Variants in MAN2A1 observed in about 807,000 individuals in gnomAD.
The protein encoded by MAN2A1 is mannosidase alpha class 2A member 1.
In MAN2A1, 76 loss-of-function variants were observed where a neutral mutation model predicts 142.6. The observed-to-expected ratio is 0.53, with a 90% CI of 0.44 to 0.65. MAN2A1 has a LOEUF of 0.65. Ranked by LOEUF, MAN2A1 falls within the 30% of genes least tolerant of loss-of-function variation. The pLI, the probability that MAN2A1 is intolerant of heterozygous loss-of-function variation, is 0.00. For missense variants in MAN2A1, 1,311 were observed against 1,365.1 expected (o/e 0.96, Z 0.62); for synonymous variants, 559 against 473.2 (o/e 1.18, Z -2.35).
intron 12 of MAN2A1, 72 bp downstream of exon 12, chr5:109,789,599 T>A: frequency 9.9e-7 from 1 of 1,008,644 alleles, no homozygotes; most frequent in Non-Finnish European, 1.4e-6. Context: ...GGTTCTGGTT[T>A]TTAGTTAGCG....
At chr5:109,772,606 A>AATTCTCCCACCTCAGCCTCC (rs1753179333) in intron 7 of MAN2A1, among the ~76,000 whole-genome samples, 1 of 152,092 alleles carries the variant, frequency 6.6e-6, no homozygotes, top group Non-Finnish European at 1.5e-5. Context: ...ACCTGGGCTC[A>AATTCTCCCACCTCAGCCTCC]TGCAATTCTC....
chr5:109,732,321 A>C (rs1281977729), intron 4 of MAN2A1, among the ~76,000 whole-genome samples: 1 of 151,424 alleles, frequency 6.6e-6, no homozygotes, highest in Non-Finnish European at 1.5e-5. Context: ...TTGCCTGTTC[A>C]CTCTGATGGT....
chr5:109,859,370 C>G (rs1240091936), intron 20 of MAN2A1, among the ~76,000 whole-genome samples: 1 of 152,154 alleles, frequency 6.6e-6, no homozygotes, highest in African/African-American at 2.4e-5. Context: ...TGCTTTATAT[C>G]AATTTTTGGA....
chr5:109,812,323 G>A (rs1381358566), intron 12 of MAN2A1, among the ~76,000 whole-genome samples: 1 of 151,908 alleles, frequency 6.6e-6, no homozygotes, highest in Non-Finnish European at 1.5e-5. Flanking sequence ...ACACAATTGT[G>A]ATTTTTGAAG....
chr5:109,700,894 A>G (rs1481856641), intron 1 of MAN2A1, among the ~76,000 whole-genome samples: 1 of 152,230 alleles, frequency 6.6e-6, no homozygotes, highest in Non-Finnish European at 1.5e-5. Flanking sequence ...ATTGTGGTAG[A>G]CATATGTTAC....
rs575495189 is a variant in MAN2A1, at chr5:109,717,779, T to A, written c.535+1515T>A. Among the ~76,000 whole-genome samples, 51 of 152,324 alleles carry A rather than the reference T, an allele frequency of 3.3e-4. No homozygotes were observed. The South Asian group carries it at 9.9e-3, about 30-fold the overall frequency. On this transcript the variant is annotated intron_variant, in intron 3 of 21. Coordinates refer to ENST00000261483, the MANE Select transcript of MAN2A1 (RefSeq NM_002372.4). ...TTGTGTATCTGTAAAATGGAGATCA[T>A]ACAGGTGGAGTAACATCTTAAGCCA... is the stretch of plus-strand genomic sequence containing the variant.
intron 8 of MAN2A1, among the ~76,000 whole-genome samples, chr5:109,776,069 CT>C (rs35427592): frequency 0.68 from 91,264 of 134,878 alleles, 29,809 homozygotes; most frequent in East Asian, 0.86. Flanking sequence ...CTTTTAAAGT[CT>C]TTTTTTTTTT....
At chr5:109,748,678 A>G (rs773712028) in intron 4 of MAN2A1, among the ~76,000 whole-genome samples, 4 of 152,152 alleles carry the variant, frequency 2.6e-5, no homozygotes, top group Non-Finnish European at 4.4e-5. Context: ...GTAAGAACCA[A>G]TGAGGCAAAT....
At chr5:109,845,711 T>A (rs1185366450) in intron 17 of MAN2A1, among the ~76,000 whole-genome samples, 154 bp from the exon 18 acceptor site, 2 of 152,210 alleles carry the variant, frequency 1.3e-5, no homozygotes, top group African/African-American at 4.8e-5. Flanking sequence ...TCATATTGTT[T>A]TAAATAATGT....
chr5:109,716,192 A>G lies in MAN2A1; in HGVS notation c.463A>G (p.Thr155Ala), dbSNP rs1582817773. Reference sequence around the variant, plus strand: ...AGTTTGGAAGCAAGGATTTGACATTACTTATGAATCTAATGAATGGGACAC... The same window carrying G: ...AGTTTGGAAGCAAGGATTTGACATTGCTTATGAATCTAATGAATGGGACAC... ...GGVWKQGFDI[T>A]YESNEWDTEP... The change falls in exon 3 of 22, where the codon ACT becomes GCT. Residue 155 changes from threonine (T) to alanine (A), a missense_variant. This residue lies in a region of MAN2A1 where 409 missense variants were observed against 412.7 expected (regional missense o/e 0.99). Coordinates refer to ENST00000261483, the MANE Select transcript of MAN2A1 (RefSeq NM_002372.4). 6.2e-7 allele frequency: 1 copy of G among 1,611,476 alleles called. No homozygotes were observed. Among genetic ancestry groups the G allele is most frequent in the East Asian group, 2.2e-5 (1 of 44,800 alleles).
At chr5:109,755,267 A>C in intron 4 of MAN2A1, 62 bp from the exon 5 acceptor site, 1 of 1,275,540 alleles carries the variant, frequency 7.8e-7, no homozygotes, top group Admixed American at 1.8e-5. Flanking sequence ...ATGCTTGTTT[A>C]GTTTTTCATT....
chr5:109,829,808 TGTTA>T (rs1430966221), intron 16 of MAN2A1, among the ~76,000 whole-genome samples: 2 of 152,318 alleles, frequency 1.3e-5, no homozygotes, highest in African/African-American at 2.4e-5. Flanking sequence ...AGCTGCTAAT[TGTTA>T]GTTCTCTTCA....
chr5:109,816,381 A>G (rs767521243), intron 12 of MAN2A1, among the ~76,000 whole-genome samples: 1 of 152,216 alleles, frequency 6.6e-6, no homozygotes, highest in Non-Finnish European at 1.5e-5. Context: ...AGTTGCAAAT[A>G]TTGCCTAAAC....
At chr5:109,780,506 A>G (rs188651959) in intron 8 of MAN2A1, among the ~76,000 whole-genome samples, 4 of 141,354 alleles carry the variant, frequency 2.8e-5, no homozygotes, top group African/African-American at 8.2e-5. Flanking sequence ...ATGACTTGCA[A>G]TATCTGTGTG....
At chr5:109,735,637 G>A (rs1489119183) in intron 4 of MAN2A1, among the ~76,000 whole-genome samples, 1 of 152,060 alleles carries the variant, frequency 6.6e-6, no homozygotes, top group East Asian at 1.9e-4. Context: ...CTCACACTGG[G>A]AGCTGTAGAC....
intron 1 of MAN2A1, among the ~76,000 whole-genome samples, chr5:109,693,692 T>G (rs1303487803): frequency 6.6e-6 from 1 of 152,032 alleles, no homozygotes; most frequent in Non-Finnish European, 1.5e-5. Context: ...GGTGCTCCAG[T>G]TTCTCTCACC....
chr5:109,736,198 G>A (rs1322824121), intron 4 of MAN2A1, among the ~76,000 whole-genome samples: 1 of 151,994 alleles, frequency 6.6e-6, no homozygotes, highest in Non-Finnish European at 1.5e-5. Context: ...CACACACACA[G>A]AGTTGCAGAC....
chr5:109,771,289 G>C (rs1263372389), intron 7 of MAN2A1, among the ~76,000 whole-genome samples: 1 of 151,868 alleles, frequency 6.6e-6, no homozygotes. Context: ...AAATAATATA[G>C]CCCATTAAAT....
intron 3 of MAN2A1, among the ~76,000 whole-genome samples, chr5:109,720,891 C>G (rs1182780015): frequency 6.6e-6 from 1 of 152,138 alleles, no homozygotes; most frequent in East Asian, 1.9e-4. Context: ...TACGTGAACA[C>G]TGTTTGGAGA....
Sources: allele counts gnomAD v4.1 joint callset (sites outside exome capture counted in the v4.1 genomes callset), GRCh38; gene constraint gnomAD v4.1.1; regional missense constraint gnomAD v4.1.1; transcripts MANE v1.5; gene names NCBI Gene and HGNC (gene_info 2026-07-23, HGNC 2026-07-21).